The following CIP2A variants were observed in gnomAD, a reference collection of about 807,000 sequenced individuals.
CIP2A encodes protein CIP2A.
In CIP2A, 103 loss-of-function variants were observed where a neutral mutation model predicts 110.9. The ratio of observed to expected loss-of-function variants is 0.93; its 90% CI spans 0.79 to 1.09. The LOEUF is 1.09. CIP2A is among the 50% of genes least tolerant of loss of function. The probability of loss-of-function intolerance (pLI) is 0.00; values close to 1 mark genes in which losing one functional copy is unlikely to be tolerated. For missense variants in CIP2A, 1,088 were observed against 1,038.4 expected, an observed-to-expected ratio of 1.05 and a Z score of -0.66; for synonymous variants, 381 against 361.6, an observed-to-expected ratio of 1.05 and a Z score of -0.61.
intron 8 of CIP2A, among the ~76,000 whole-genome samples, chr3:108,570,765 A>T (rs1326146734): frequency 6.6e-6 from 1 of 152,138 alleles, no homozygotes; most frequent in Non-Finnish European, 1.5e-5. Flanking sequence ...ATATTGCTGT[A>T]TATTTCATAA....
chr3:108,567,647 C>A lies in CIP2A; in HGVS notation c.1273+508G>T, dbSNP rs144203913. On this transcript the variant is annotated intron_variant, in intron 10 of 20. Transcript: ENST00000295746. ...AATGAATTTGTGTTGATATACTTGT[C>A]TTTTCTTATAACCATTATTAAAGCA... Among the ~76,000 whole-genome samples, 8 of 151,972 alleles carry A rather than the reference C, an allele frequency of 5.3e-5. No homozygotes were observed. In the East Asian group the frequency reaches 1.5e-3, roughly 29 times the overall value.
rs575722921 is a variant in CIP2A, at chr3:108,567,184, AG to A, written c.1274-547del. Among the ~76,000 whole-genome samples, 741 of 151,942 alleles carry A rather than the reference AG, an allele frequency of 4.9e-3. 2 individuals are homozygous for A. Among genetic ancestry groups the A allele is most frequent in the Non-Finnish European group, 8.0e-3 (543 of 67,806 alleles). The stretch of plus-strand genomic sequence containing the variant: ...CAAACACACACCACCTAATGATTTC[AG>A]GGTTTCACATCACTCCAATTAAATT... On this transcript the variant is annotated intron_variant, in intron 10 of 20. Coordinates refer to ENST00000295746, the MANE Select transcript of CIP2A (RefSeq NM_020890.3).
chr3:108,580,627 T>C (rs1938837960), intron 5 of CIP2A, among the ~76,000 whole-genome samples: 1 of 151,178 alleles, frequency 6.6e-6, no homozygotes, highest in African/African-American at 2.5e-5. Flanking sequence ...CTTGATTTAA[T>C]ATACTTTGTT....
chr3:108,576,340 C>T lies in CIP2A; in HGVS notation c.825G>A (p.Glu275=). 2.6e-6 allele frequency: 4 copies of T among 1,528,368 alleles called. No individual in the cohort carries two copies. The highest frequency in any genetic ancestry group is 2.4e-5 in the East Asian group (1 of 42,018). The allele number at this position is 1,528,368 out of a possible 1,614,324, so 94.7% of individuals were successfully genotyped here. ...CTTGGTGAAGACATGAAGAAAAGTG[C>T]TCATATCTAGGTTTAGAATAAAAAT... ...PKIADYLTRY[E]HFSSCLHQVL... The change falls in exon 8 of 21, where the codon GAG becomes GAA. Residue 275 remains glutamate, a synonymous_variant. Coordinates refer to ENST00000295746, the MANE Select transcript of CIP2A (RefSeq NM_020890.3).
At chr3:108,579,867 T>G (rs1386426914) in intron 5 of CIP2A, among the ~76,000 whole-genome samples, 179 bp from the exon 6 acceptor site, 1 of 152,174 alleles carries the variant, frequency 6.6e-6, no homozygotes, top group African/African-American at 2.4e-5. Context: ...GAGATAAATT[T>G]AAATTCAAAA....
chr3:108,577,914 A>T (rs2107360030), intron 7 of CIP2A, among the ~76,000 whole-genome samples: 1 of 152,266 alleles, frequency 6.6e-6, no homozygotes, highest in South Asian at 2.1e-4. Context: ...AAATAAATAA[A>T]TAAATATGAA....
At chr3:108,587,015 GTTAAAA>G (rs1386972601) in intron 1 of CIP2A, among the ~76,000 whole-genome samples, 1 of 152,100 alleles carries the variant, frequency 6.6e-6, no homozygotes, top group East Asian at 1.9e-4. Flanking sequence ...AACCAAAATG[GTTAAAA>G]TTAAGAAATA....
At chr3:108,555,940 G>C (rs1012568078) in intron 17 of CIP2A, among the ~76,000 whole-genome samples, 1 of 152,052 alleles carries the variant, frequency 6.6e-6, no homozygotes, top group Admixed American at 6.6e-5. Flanking sequence ...TCCTTACTTG[G>C]CACCCTGCAG....
chr3:108,584,754 C>T (rs1207139917), intron 2 of CIP2A: 5 of 216,296 alleles, frequency 2.3e-5, no homozygotes, highest in South Asian at 1.5e-4. Flanking sequence ...ATATCCCCAC[C>T]GCCCTGCCCC....
Position 108,562,890 on chromosome 3 carries a change from G to A in CIP2A, c.1634+236C>T, listed in dbSNP as rs532216636. 5.3e-5 allele frequency among the ~76,000 whole-genome samples: 8 copies of A among 152,256 alleles called. No homozygotes were observed. In the East Asian group the frequency reaches 1.4e-3, roughly 26 times the overall value. On this transcript the variant is annotated intron_variant, in intron 13 of 20. Transcript: ENST00000295746. ...TTAAAAAGAAGTGGCTAGAGACATA[G>A]AGGGATAGTACCTGAAGAACATTTA...
intron 9 of CIP2A, among the ~76,000 whole-genome samples, chr3:108,568,708 G>A (rs1490793868): frequency 6.6e-6 from 1 of 151,898 alleles, no homozygotes; most frequent in Non-Finnish European, 1.5e-5. Context: ...CCCTCAAAGG[G>A]CTTTTTAAAT....
Position 108,553,706 on chromosome 3 carries a change from T to G in CIP2A, c.2349A>C (p.Lys783Asn). The change falls in exon 19 of 21, where the codon AAA becomes AAC. Residue 783 changes from lysine to asparagine, a missense_variant. Lys to Asn is a moderately conservative substitution (Grantham distance 94). Coordinates refer to ENST00000295746, the MANE Select transcript of CIP2A (RefSeq NM_020890.3). ...TCTGTACTTCTTTTCTCTGTTCTTC[T>G]TTCTCTATTAATTGGGCAATACTTC... ...NEKSIAQLIE[K>N]EEQRKEVQNQ... 1 of 1,494,306 alleles carries G rather than the reference T, an allele frequency of 6.7e-7. No individual in the cohort carries two copies. 92.6% of individuals were successfully genotyped at this position (1,494,306 alleles called of 1,614,324 possible).
chr3:108,562,561 T>C (rs1187300947), intron 13 of CIP2A, among the ~76,000 whole-genome samples: 1 of 152,192 alleles, frequency 6.6e-6, no homozygotes, highest in African/African-American at 2.4e-5. Context: ...AGCCCTGAAA[T>C]CTGAATTTTT....
chr3:108,576,967 T>C (rs1042379512), intron 7 of CIP2A, among the ~76,000 whole-genome samples: 4 of 152,152 alleles, frequency 2.6e-5, no homozygotes, highest in Non-Finnish European at 5.9e-5. Flanking sequence ...TGGAGGAATG[T>C]AGGAGACACT....
intron 10 of CIP2A, 27 bp downstream of exon 10, chr3:108,568,128 T>A (rs1177288328): frequency 1.3e-6 from 2 of 1,586,406 alleles, no homozygotes; most frequent in Admixed American, 3.4e-5. Flanking sequence ...GTTATACAGT[T>A]TTCACGTTAA....
At position 108,585,177 on chromosome 3, in the gene CIP2A, T is replaced by G; in HGVS notation, c.138A>C (p.Thr46=). 6.2e-7 allele frequency: 1 copy of G among 1,612,898 alleles called. No homozygotes were observed. The highest frequency in any genetic ancestry group is 1.3e-5 in the African/African-American group (1 of 75,006). The change falls in exon 2 of 21, where the codon ACA becomes ACC. Residue 46 remains threonine (T), a synonymous_variant. Coordinates refer to ENST00000295746, the MANE Select transcript of CIP2A (RefSeq NM_020890.3). The stretch of plus-strand genomic sequence containing the variant: ...ATTCACTTGTTAATATCTGATTTGA[T>G]GTAAATAGTCGTGTGAGTTTCTGTC... The part of the protein sequence containing the change: ...ISGQKLTRLF[T]SNQILTSECL...
chr3:108,570,350 C>A, intron 8 of CIP2A, among the ~76,000 whole-genome samples: 1 of 152,064 alleles, frequency 6.6e-6, no homozygotes, highest in East Asian at 1.9e-4. Flanking sequence ...TTAAAAGAAT[C>A]CAGTCCATTA....
At chr3:108,573,560 C>A (rs1938469037) in intron 8 of CIP2A, among the ~76,000 whole-genome samples, 1 of 151,888 alleles carries the variant, frequency 6.6e-6, no homozygotes, top group South Asian at 2.1e-4. Context: ...CAGTTTAATA[C>A]CTTTAGATTC....
intron 15 of CIP2A, 33 bp downstream of exon 15, chr3:108,559,921 T>C (rs1422729810): frequency 2.0e-5 from 31 of 1,576,814 alleles, no homozygotes; most frequent in Non-Finnish European, 2.6e-5. Context: ...TATTAAAGCT[T>C]ATTACACATT....
Sources: allele counts gnomAD v4.1 joint callset (sites outside exome capture counted in the v4.1 genomes callset), GRCh38; gene constraint gnomAD v4.1.1; transcripts MANE v1.5; gene names NCBI Gene and HGNC (gene_info 2026-07-23, HGNC 2026-07-21).